Variants in CFAP47 observed in about 807,000 individuals in gnomAD.
CFAP47 encodes cilia- and flagella-associated protein 47.
CFAP47 carries 29 observed loss-of-function variants against 148.1 expected under a neutral mutation model. The observed-to-expected ratio is 0.20, with a 90% CI of 0.15 to 0.27. The LOEUF is 0.27. Ranked by LOEUF, CFAP47 falls within the 10% of genes least tolerant of loss-of-function variation. The pLI is 1.00. For synonymous variants in CFAP47, 664 were observed against 577.3 expected (o/e 1.15, Z -2.15); for missense variants, 1,872 against 1,697.5 (o/e 1.10, Z -1.81).
chrX:35,959,492 A>G (rs934785091), intron 8 of CFAP47, among the ~76,000 whole-genome samples: 3 of 111,915 alleles, frequency 2.7e-5, no homozygotes, highest in African/African-American at 9.8e-5. Context: ...GTTTTTCTCT[A>G]AGAATTTTAG....
At chrX:36,242,941 G>A (rs782111211) in intron 48 of CFAP47, among the ~76,000 whole-genome samples, 1 of 111,463 alleles carries the variant, frequency 9.0e-6, no homozygotes, top group South Asian at 3.8e-4. Context: ...AAAGGTTAGG[G>A]CACATAGAAA....
At chrX:36,148,613 G>T (rs887989884) in intron 36 of CFAP47, among the ~76,000 whole-genome samples, 1 of 111,773 alleles carries the variant, frequency 8.9e-6, no homozygotes, top group Non-Finnish European at 1.9e-5. Context: ...CCAACCCTTC[G>T]TTGAACTACC....
chrX:36,143,603 C>T (rs993485661), intron 35 of CFAP47, among the ~76,000 whole-genome samples: 7 of 111,530 alleles, frequency 6.3e-5, no homozygotes, highest in Non-Finnish European at 1.3e-4. Flanking sequence ...CTTCAAATCC[C>T]TCACACCAAC....
At chrX:35,944,335 T>C (rs1936055265) in intron 3 of CFAP47, among the ~76,000 whole-genome samples, 1 of 111,440 alleles carries the variant, frequency 9.0e-6, no homozygotes. Flanking sequence ...ATGCATAACA[T>C]AACCCTAATT....
intron 29 of CFAP47, among the ~76,000 whole-genome samples, chrX:36,075,861 T>A (rs990726536): frequency 1.8e-5 from 2 of 111,974 alleles, no homozygotes; most frequent in Admixed American, 1.9e-4. Context: ...AATGACATGA[T>A]TTCATTCTTT....
Position 36,379,402 on chromosome X carries a change from T to C in CFAP47, c.9238T>C (p.Phe3080Leu), listed in dbSNP as rs1942056562. The C allele has an allele frequency of 2.6e-6, 3 of 1,165,627 alleles. No homozygotes were observed. The highest frequency in any genetic ancestry group is 3.4e-6 in the Non-Finnish European group (3 of 872,138). The change falls in exon 63 of 64, where the codon TTT becomes CTT. Residue 3080 changes from phenylalanine to leucine, a missense_variant. By Grantham distance (22) the Phe-to-Leu change is conservative. Coordinates refer to ENST00000378653, the MANE Select transcript of CFAP47 (RefSeq NM_001304548.2). The part of the protein sequence containing the change: ...HFLPGSDLEF[F>L]VKPQAGELLP... ...CCTACCTGGCAGCGATCTGGAGTTT[T>C]TTGTAAAACCTCAGGCTGGAGAACT...
intron 29 of CFAP47, among the ~76,000 whole-genome samples, chrX:36,077,470 G>A (rs997079732): frequency 9.3e-6 from 1 of 107,583 alleles, no homozygotes; most frequent in East Asian, 2.9e-4. Context: ...AGATCTCCTT[G>A]TATAGATCTT....
At chrX:36,046,061 A>G (rs979808074) in intron 25 of CFAP47, among the ~76,000 whole-genome samples, 4 of 111,391 alleles carry the variant, frequency 3.6e-5, no homozygotes, top group Non-Finnish European at 5.7e-5. Flanking sequence ...TATAGGTTTA[A>G]CTAATACAAT....
intron 51 of CFAP47, among the ~76,000 whole-genome samples, chrX:36,296,482 T>C (rs1330632625): frequency 4.4e-5 from 5 of 112,390 alleles, no homozygotes; most frequent in African/African-American, 1.6e-4. Flanking sequence ...TAAAAGGTAG[T>C]AGAAAGTATC....
chrX:36,202,838 T>C (rs1555988235), intron 44 of CFAP47, among the ~76,000 whole-genome samples: 1 of 105,478 alleles, frequency 9.5e-6, no homozygotes, highest in African/African-American at 3.5e-5. Flanking sequence ...GATCACACCA[T>C]TGCACTCCAG....
chrX:35,975,755 C>A lies in CFAP47; in HGVS notation c.2555C>A (p.Ser852Tyr). ...GTCCAGCCAGTAACACTTGAGCTAT[C>A]TTCTAATGAGCTAGTATTGAGACCA... ...AVVQPVTLELSSNELVLRPRG... is the reference protein window; with the variant it reads ...AVVQPVTLELYSNELVLRPRG... The change falls in exon 15 of 64, where the codon TCT becomes TAT. Residue 852 changes from serine to tyrosine, a missense_variant. Ser to Tyr is a moderately radical substitution (Grantham distance 144, BLOSUM62 -2). Coordinates refer to ENST00000378653, the MANE Select transcript of CFAP47 (RefSeq NM_001304548.2). 8.3e-7 allele frequency: 1 copy of A among 1,209,850 alleles called. No individual in the cohort carries two copies. Among genetic ancestry groups the A allele is most frequent in the Non-Finnish European group, 1.1e-6 (1 of 893,887 alleles).
intron 9 of CFAP47, 31 bp from the exon 10 acceptor site, chrX:35,967,588 A>G (rs1471740510): frequency 3.8e-6 from 4 of 1,043,538 alleles, no homozygotes; most frequent in Non-Finnish European, 4.0e-6. Flanking sequence ...TAAAAATACC[A>G]TCTATAAACT....
intron 49 of CFAP47, among the ~76,000 whole-genome samples, chrX:36,264,101 T>C (rs782420069): frequency 2.1e-4 from 23 of 111,877 alleles, no homozygotes; most frequent in African/African-American, 7.5e-4. Flanking sequence ...CATTGACTGA[T>C]GCTTATCCTG....
chrX:36,108,663 C>T (rs1188325289), intron 33 of CFAP47, among the ~76,000 whole-genome samples: 1 of 111,716 alleles, frequency 9.0e-6, no homozygotes, highest in African/African-American at 3.3e-5. Context: ...CATCAGACTC[C>T]TGCCTAAAAT....
At chrX:36,356,908 A>C (rs1169511747) in intron 60 of CFAP47, among the ~76,000 whole-genome samples, 1 of 112,342 alleles carries the variant, frequency 8.9e-6, no homozygotes, top group Non-Finnish European at 1.9e-5. Context: ...GATGGAAATC[A>C]AAGTGTTAGC....
At chrX:36,111,478 T>C in intron 33 of CFAP47, among the ~76,000 whole-genome samples, 1 of 112,378 alleles carries the variant, frequency 8.9e-6, no homozygotes, top group East Asian at 2.8e-4. Flanking sequence ...GATTAGCTTT[T>C]TGACATGCTG....
At chrX:36,160,609 ATTATATT>A (rs1234691408) in intron 38 of CFAP47, 65 bp from the exon 39 acceptor site, 11 of 280,153 alleles carry the variant, frequency 3.9e-5, no homozygotes, top group Non-Finnish European at 5.0e-5. Flanking sequence ...GATTTTTAAG[ATTATATT>A]TTATAATTCA....
rs374397357 is a variant in CFAP47 at position 36,303,778 on chromosome X, CAAGTTTATGGAATTAACACTA to C, written c.7971-68_7971-48del. ...GACATATTTTAATCCTAGGGGTCAT[CAAGTTTATGGAATTAACACTA>C]AATAAGTTTATGAATACCAGCAACT... On this transcript the variant is annotated intron_variant, in intron 53 of 63. Transcript: ENST00000378653. 7,214 of 523,285 alleles carry C rather than the reference CAAGTTTATGGAATTAACACTA, an allele frequency of 0.014. 357 individuals are homozygous for C. The African/African-American group carries it at 0.15, about 11-fold the overall frequency. The allele number at this position is 523,285 out of a possible 1,213,427, so 43.1% of individuals were successfully genotyped here.
intron 49 of CFAP47, among the ~76,000 whole-genome samples, chrX:36,271,940 C>A (rs1940964356): frequency 8.9e-6 from 1 of 111,791 alleles, no homozygotes. Flanking sequence ...CAGTGGCAGG[C>A]ACATCAATTT....
Sources: allele counts gnomAD v4.1 joint callset (sites outside exome capture counted in the v4.1 genomes callset), GRCh38; gene constraint gnomAD v4.1.1; transcripts MANE v1.5; gene names NCBI Gene and HGNC (gene_info 2026-07-23, HGNC 2026-07-21).